SMIM13: variants seen among roughly 807,000 people sequenced by gnomAD.
SMIM13 encodes small integral membrane protein 13.
A neutral mutation model predicts 5.9 loss-of-function variants in SMIM13; 3 were observed. The observed-to-expected ratio is 0.51, with a 90% CI of 0.23 to 1.31. The LOEUF is 1.31. Ranked by LOEUF, SMIM13 falls within the 40% of genes most tolerant of loss-of-function variation. The probability of loss-of-function intolerance (pLI) is 0.18; values close to 1 mark genes in which losing one functional copy is unlikely to be tolerated. For synonymous variants in SMIM13, 55 were observed against 46.0 expected (o/e 1.19, Z -0.79); for missense variants, 85 against 109.9 (o/e 0.77, Z 1.01).
chr6:11,132,108 C>G (rs977361992), intron 1 of SMIM13, among the ~76,000 whole-genome samples: 1 of 151,898 alleles, frequency 6.6e-6, no homozygotes, highest in Non-Finnish European at 1.5e-5. Flanking sequence ...AAAAAATGAG[C>G]AAAAGAAATG....
chr6:11,106,303 TG>T (rs1262668691), intron 1 of SMIM13, among the ~76,000 whole-genome samples: 3 of 152,216 alleles, frequency 2.0e-5, no homozygotes, highest in African/African-American at 7.2e-5. Flanking sequence ...TGCAGGGAGC[TG>T]AGTGAAGTCC....
intron 1 of SMIM13, among the ~76,000 whole-genome samples, chr6:11,112,483 C>T (rs1758183050): frequency 6.6e-6 from 1 of 152,148 alleles, no homozygotes; most frequent in Non-Finnish European, 1.5e-5. Flanking sequence ...GAACTCCTGA[C>T]CTCAAGTGAT....
At position 11,094,309 on chromosome 6, in the gene SMIM13, C is replaced by A; in HGVS notation, c.-5C>A. The A allele has an allele frequency of 6.7e-7, 1 of 1,490,910 alleles. No individual in the cohort carries two copies. The highest frequency in any genetic ancestry group is 8.9e-7 in the Non-Finnish European group (1 of 1,117,658). The allele number at this position is 1,490,910 out of a possible 1,614,324, so 92.4% of individuals were successfully genotyped here. ...CCCCGAGCCGACTGCCCTTCTGCCC[C>A]CAAGATGTGGCACAGCGTCGGGCTG... is the stretch of plus-strand genomic sequence containing the variant. On this transcript the variant is annotated 5_prime_UTR_variant, in exon 1 of 2. Transcript: ENST00000416247.
intron 1 of SMIM13, among the ~76,000 whole-genome samples, chr6:11,108,995 A>G (rs1758130872): frequency 6.6e-6 from 1 of 152,192 alleles, no homozygotes; most frequent in South Asian, 2.1e-4. Flanking sequence ...CTTCTATCAG[A>G]TAGAGGAACA....
At chr6:11,125,445 A>T (rs1758365940) in intron 1 of SMIM13, among the ~76,000 whole-genome samples, 1 of 152,034 alleles carries the variant, frequency 6.6e-6, no homozygotes, top group Non-Finnish European at 1.5e-5. Context: ...AAAATACAAA[A>T]ATTAGCTGGG....
chr6:11,108,573 TG>T, intron 1 of SMIM13, among the ~76,000 whole-genome samples: 1 of 152,310 alleles, frequency 6.6e-6, no homozygotes, highest in East Asian at 1.9e-4. Context: ...AAGTAGCATT[TG>T]GGCAAAGGGA....
rs1174984948 is a variant in SMIM13 at position 11,093,924 on chromosome 6, T to A, written c.-390T>A. Reference sequence around the variant, plus strand: ...CGGGTGGACAGCGACGAGGGCCTTGTGGCCGCCGTGTGTACCCGTGCTTAC... The same window carrying A: ...CGGGTGGACAGCGACGAGGGCCTTGAGGCCGCCGTGTGTACCCGTGCTTAC... On this transcript the variant is annotated 5_prime_UTR_variant, in exon 1 of 2. Coordinates refer to ENST00000416247, the MANE Select transcript of SMIM13 (RefSeq NM_001135575.2). The A allele has an allele frequency of 6.6e-6, 1 of 152,272 alleles. No individual in the cohort carries two copies. Among genetic ancestry groups the A allele is most frequent in the African/African-American group, 2.4e-5 (1 of 41,466 alleles). 9.4% of individuals were successfully genotyped at this position (152,272 alleles called of 1,614,324 possible). A position where few individuals can be genotyped will look rare whatever the true frequency, so the allele number is the denominator to read the frequency against.
chr6:11,121,786 T>C (rs1455023374), intron 1 of SMIM13, among the ~76,000 whole-genome samples: 1 of 152,232 alleles, frequency 6.6e-6, no homozygotes, highest in Non-Finnish European at 1.5e-5. Context: ...TGGAGCAAGA[T>C]ACAGTCATTC....
chr6:11,118,534 G>A (rs1399058808), intron 1 of SMIM13, among the ~76,000 whole-genome samples: 3 of 152,144 alleles, frequency 2.0e-5, no homozygotes, highest in African/African-American at 7.2e-5. Flanking sequence ...CATACGTTTC[G>A]TTTCCTTAAG....
rs1758406888 is a variant in SMIM13, at chr6:11,128,439, CAG to C, written c.77-5961_77-5960del. ...CACTGTCTACTCTCCTCTCCTCAAA[CAG>C]AGGGAAGAAGTGTCTCCCCGACCTG... is the stretch of plus-strand genomic sequence containing the variant. On this transcript the variant is annotated intron_variant, in intron 1 of 1. Coordinates refer to ENST00000416247, the MANE Select transcript of SMIM13 (RefSeq NM_001135575.2). 2.6e-5 allele frequency among the ~76,000 whole-genome samples: 4 copies of C among 152,272 alleles called. No homozygotes were observed. The South Asian group carries it at 8.3e-4, about 32-fold the overall frequency.
chr6:11,096,240 G>T (rs927435527), intron 1 of SMIM13, among the ~76,000 whole-genome samples: 1 of 152,152 alleles, frequency 6.6e-6, no homozygotes, highest in Admixed American at 6.5e-5. Flanking sequence ...AGATCATCAG[G>T]CATTAGTTAG....
In SMIM13 at chr6:11,116,635, T is replaced by C. The variant is rs183429027; in HGVS notation, c.77-17768T>C. Among the ~76,000 whole-genome samples, 152 of 152,362 alleles carry C rather than the reference T, an allele frequency of 1.0e-3. 1 individual carries two copies. The highest frequency in any genetic ancestry group is 3.6e-3 in the African/African-American group (150 of 41,586). On this transcript the variant is annotated intron_variant, in intron 1 of 1. Transcript: ENST00000416247. ...TCTGTTTACTCTGAATTGTATAATT[T>C]ACAGGGATAAAGTTTATAATATTTC...
chr6:11,126,050 A>AT, intron 1 of SMIM13, among the ~76,000 whole-genome samples: 1 of 151,492 alleles, frequency 6.6e-6, no homozygotes, highest in South Asian at 2.1e-4. Flanking sequence ...ATTTTCATTT[A>AT]TTTTATTTAT....
chr6:11,129,634 G>A (rs543141497), intron 1 of SMIM13, among the ~76,000 whole-genome samples: 2 of 152,066 alleles, frequency 1.3e-5, no homozygotes, highest in Non-Finnish European at 2.9e-5. Context: ...TCAAAAATCA[G>A]TTAATACATG....
intron 1 of SMIM13, chr6:11,104,137 T>C (rs1758044486): frequency 1.3e-6 from 2 of 1,551,244 alleles, no homozygotes; most frequent in Non-Finnish European, 1.7e-6. Flanking sequence ...ATGGTGTCAA[T>C]GTTGTTGGCT....
chr6:11,107,139 T>C (rs1758098932), intron 1 of SMIM13, among the ~76,000 whole-genome samples: 1 of 152,222 alleles, frequency 6.6e-6, no homozygotes, highest in African/African-American at 2.4e-5. Context: ...ATGTGGATTA[T>C]CTAGGAGCTG....
chr6:11,104,008 C>G (rs1758041350), intron 1 of SMIM13: 2 of 1,551,688 alleles, frequency 1.3e-6, no homozygotes, highest in Non-Finnish European at 1.7e-6. Flanking sequence ...CATTTTTCAT[C>G]TAAGGCCAAA....
intron 1 of SMIM13, chr6:11,105,034 G>T (rs1285915291): frequency 6.2e-7 from 1 of 1,614,194 alleles, no homozygotes; most frequent in Non-Finnish European, 8.5e-7. Flanking sequence ...ACTGTTGAAA[G>T]AAGACTATTT....
intron 1 of SMIM13, chr6:11,103,892 C>A: frequency 6.4e-7 from 1 of 1,551,606 alleles, no homozygotes; most frequent in Non-Finnish European, 8.7e-7. Flanking sequence ...AAGTTCCTTC[C>A]CAATTTAACC....
Sources: allele counts gnomAD v4.1 joint callset (sites outside exome capture counted in the v4.1 genomes callset), GRCh38; gene constraint gnomAD v4.1.1; transcripts MANE v1.5; gene names NCBI Gene and HGNC (gene_info 2026-07-23, HGNC 2026-07-21).